The following ALPK1 variants were observed in gnomAD, a reference collection of about 807,000 sequenced individuals.
The protein encoded by ALPK1 is alpha kinase 1.
Under a neutral mutation model 120.6 loss-of-function variants are expected in ALPK1, and 110 were observed. The ratio of observed to expected loss-of-function variants is 0.91; its 90% CI spans 0.78 to 1.07. The LOEUF (loss-of-function observed/expected upper bound fraction) is 1.07. ALPK1 is among the 50% of genes least tolerant of loss of function. ALPK1 has a pLI of 0.00. For missense variants in ALPK1, 1,498 were observed against 1,483.9 expected, an observed-to-expected ratio of 1.01 and a Z score of -0.16; for synonymous variants, 582 against 560.3, an observed-to-expected ratio of 1.04 and a Z score of -0.55.
intron 2 of ALPK1, among the ~76,000 whole-genome samples, chr4:112,331,918 T>C (rs1729392802): frequency 6.6e-6 from 1 of 152,226 alleles, no homozygotes. Flanking sequence ...TCATACATAA[T>C]CAGTTGATTT....
In ALPK1 at chr4:112,357,666, C is replaced by T. The variant is rs191566382; in HGVS notation, c.-100-20012C>T. On this transcript the variant is annotated intron_variant, in intron 2 of 15. Transcript: ENST00000650871. ...AGCACCAGATCTGGGTGGGGATCAT[C>T]CCCAGAGGCCCCGACGGAGCCCAGT... is the stretch of plus-strand genomic sequence containing the variant. 271 of 1,603,152 alleles carry T rather than the reference C, an allele frequency of 1.7e-4. 1 individual carries two copies. In the East Asian group the frequency reaches 5.9e-3, roughly 35 times the overall value.
intron 3 of ALPK1, among the ~76,000 whole-genome samples, chr4:112,381,131 T>C (rs747862710): frequency 1.3e-5 from 2 of 152,110 alleles, no homozygotes; most frequent in Non-Finnish European, 2.9e-5. Context: ...CTTGACAATG[T>C]GCAAGAGGGA....
chr4:112,316,382 G>A (rs1458709947), intron 2 of ALPK1: 2 of 152,218 alleles, frequency 1.3e-5, no homozygotes, highest in Admixed American at 6.5e-5. Context: ...ATATTTTATT[G>A]CATGTACATA....
rs1415720638 is a variant in ALPK1 at position 112,430,863 on chromosome 4, G to A, written c.1316G>A (p.Cys439Tyr). ...TCTTATGTTCCCGAGAGTTTCGAGT[G>A]CAGGTTGGATAAACTTATCTTGCAT... is the stretch of plus-strand genomic sequence containing the variant. ...DRSYVPESFE[C>Y]RLDKLILHGQ... The change falls in exon 11 of 16, where the codon TGC becomes TAC. Residue 439 changes from cysteine to tyrosine, a missense_variant. Cys to Tyr is a radical substitution (Grantham distance 194). Transcript: ENST00000650871. 1.1e-5 allele frequency: 17 copies of A among 1,614,138 alleles called. No individual in the cohort carries two copies. Among genetic ancestry groups the A allele is most frequent in the Non-Finnish European group, 1.4e-5 (17 of 1,179,968 alleles).
intron 2 of ALPK1, chr4:112,356,296 C>G (rs962685909): frequency 5.7e-6 from 6 of 1,048,360 alleles, no homozygotes; most frequent in African/African-American, 3.1e-5. Flanking sequence ...TGTGCACCAC[C>G]CTGGCCTGGC....
intron 4 of ALPK1, among the ~76,000 whole-genome samples, chr4:112,397,158 C>T (rs1305770393): frequency 6.6e-6 from 1 of 152,226 alleles, no homozygotes. Context: ...CGTAGTGCCT[C>T]AGCACAGCTG....
At chr4:112,313,638 G>T (rs138299190) in intron 1 of ALPK1, among the ~76,000 whole-genome samples, 2 of 152,162 alleles carry the variant, frequency 1.3e-5, no homozygotes, top group East Asian at 1.9e-4. Context: ...CACAAGAATC[G>T]CTTGAACATG....
At chr4:112,348,085 C>CTA (rs1730175694) in intron 2 of ALPK1, among the ~76,000 whole-genome samples, 1 of 152,188 alleles carries the variant, frequency 6.6e-6, no homozygotes, top group Non-Finnish European at 1.5e-5. Context: ...TAATCATCCC[C>CTA]TAAGCCAGGT....
At position 112,431,462 on chromosome 4, in the gene ALPK1, C is replaced by T. The variant is rs568381980; in HGVS notation, c.1915C>T (p.His639Tyr). The T allele has an allele frequency of 2.0e-5, 33 of 1,614,098 alleles. 1 individual carries two copies. In the South Asian group the frequency reaches 3.6e-4, roughly 18 times the overall value. The change falls in exon 11 of 16, where the codon CAT (histidine) becomes TAT (tyrosine). Residue 639 changes from histidine (H) to tyrosine (Y), a missense_variant. Transcript: ENST00000650871. ...GAATGACAGGGAAGGCAGAGCTATGCATTCATTGCATTCACAGCTTCATGA... is the reference window on the plus strand; with the variant it reads ...GAATGACAGGGAAGGCAGAGCTATGTATTCATTGCATTCACAGCTTCATGA... ...LENDREGRAM[H>Y]SLHSQLHDLS...
Position 112,441,039 on chromosome 4 carries a change from C to G in ALPK1, c.3661C>G (p.Gln1221Glu), listed in dbSNP as rs769111636. Residue 1221 changes from glutamine (Q) to glutamate (E), a missense_variant, in exon 15 of 16, where the codon CAG becomes GAG. By Grantham distance (29) the Gln-to-Glu change is conservative. Coordinates refer to ENST00000650871, the MANE Select transcript of ALPK1 (RefSeq NM_025144.4). ...AGGAATTTTTTACTTCTTTAATAAC[C>G]AGCATGTGGAATGTAATGAAATCTG... is the stretch of plus-strand genomic sequence containing the variant. ...KRGIFYFFNN[Q>E]HVECNEICHR... 1.2e-6 allele frequency: 2 copies of G among 1,613,784 alleles called. No individual in the cohort carries two copies. Among genetic ancestry groups the G allele is most frequent in the Non-Finnish European group, 1.7e-6 (2 of 1,179,890 alleles).
intron 2 of ALPK1, chr4:112,356,366 C>T (rs1321473228): frequency 2.4e-6 from 2 of 840,094 alleles, no homozygotes; most frequent in East Asian, 2.4e-5. Flanking sequence ...GCAAGGGGAG[C>T]TTCTCTCAGA....
intron 2 of ALPK1, among the ~76,000 whole-genome samples, chr4:112,316,912 A>G (rs1728661026): frequency 1.3e-5 from 2 of 152,098 alleles, no homozygotes; most frequent in Admixed American, 6.5e-5. Context: ...GGAACCAAAA[A>G]GGATGTTTCT....
At chr4:112,423,838 G>T (rs1273406660) in intron 5 of ALPK1, 106 bp from the exon 6 acceptor site, 1 of 1,006,016 alleles carries the variant, frequency 9.9e-7, no homozygotes, top group Non-Finnish European at 1.6e-6. Context: ...TTCCAAAGGA[G>T]GTTACAGTTC....
intron 5 of ALPK1, among the ~76,000 whole-genome samples, chr4:112,415,407 G>A (rs1319286265): frequency 6.6e-6 from 1 of 152,152 alleles, no homozygotes; most frequent in Non-Finnish European, 1.5e-5. Context: ...AGGCCAAGGC[G>A]GGTGGATTAC....
intron 2 of ALPK1, among the ~76,000 whole-genome samples, chr4:112,343,910 AG>A (rs1729990306): frequency 6.6e-6 from 1 of 152,218 alleles, no homozygotes; most frequent in Non-Finnish European, 1.5e-5. Context: ...CTTGTCAGAA[AG>A]TAATGTAAAT....
chr4:112,308,812 G>A (rs1478598412), intron 1 of ALPK1, among the ~76,000 whole-genome samples: 2 of 152,080 alleles, frequency 1.3e-5, no homozygotes, highest in Non-Finnish European at 2.9e-5. Context: ...CCTTTGGAGG[G>A]GGAGGGGCGC....
chr4:112,346,941 T>A (rs774812006), intron 2 of ALPK1, among the ~76,000 whole-genome samples: 1 of 152,214 alleles, frequency 6.6e-6, no homozygotes, highest in Non-Finnish European at 1.5e-5. Flanking sequence ...TGGGAGGAGA[T>A]GTATTTGCTT....
At position 112,427,864 on chromosome 4, in the gene ALPK1, C is replaced by G. The variant is rs4834277; in HGVS notation, c.795+199C>G. 0.54 allele frequency: 262,100 copies of G among 488,096 alleles called. 71,371 individuals are homozygous for G. The highest frequency in any genetic ancestry group is 0.71 in the East Asian group (23,188 of 32,622). The allele number at this position is 488,096 out of a possible 1,614,324, so 30.2% of individuals were successfully genotyped here. ...ATTATCCCAGCGCCTAGCACTGTAA[C>G]AGACACTCAGAGAGTGCTCAGAAAG... On this transcript the variant is annotated intron_variant, in intron 9 of 15. Coordinates refer to ENST00000650871, the MANE Select transcript of ALPK1 (RefSeq NM_025144.4).
At chr4:112,398,239 T>C (rs559268002) in intron 4 of ALPK1, among the ~76,000 whole-genome samples, 1 of 152,274 alleles carries the variant, frequency 6.6e-6, no homozygotes, top group Non-Finnish European at 1.5e-5. Context: ...AATGAAGTAT[T>C]AAGAGGCAAT....
Sources: gnomAD v4.1 joint callset for allele counts (sites outside exome capture counted in the v4.1 genomes callset) on GRCh38, gnomAD v4.1.1 for gene constraint, MANE v1.5 for transcripts, NCBI Gene and HGNC (gene_info 2026-07-23, HGNC 2026-07-21) for gene names.